Variants in PPT2 observed in about 807,000 individuals in gnomAD.
The protein encoded by PPT2 is palmitoyl-protein thioesterase 2.
In PPT2, 20 loss-of-function variants were observed where a neutral mutation model predicts 37.3. The observed-to-expected ratio is 0.54, with a 90% CI of 0.38 to 0.78. PPT2 has a LOEUF of 0.78. Ranked by LOEUF, PPT2 falls within the 30% of genes least tolerant of loss-of-function variation. The pLI is 0.00. For missense variants in PPT2, 270 were observed against 389.8 expected, an observed-to-expected ratio of 0.69 and a Z score of 2.59; for synonymous variants, 135 against 159.1, an observed-to-expected ratio of 0.85 and a Z score of 1.14.
Position 32,162,843 on chromosome 6 carries a change from T to G in PPT2, c.802T>G (p.Leu268Val). ...GGATTCTTTTGGGTTGAAGACTCTA[T>G]TGGCCCGGGGGGCCATAGTGAGGTG... ...LRDSFGLKTL[L>V]ARGAIVRCPM... Residue 268 changes from leucine (L) to valine (V), a missense_variant, in exon 9 of 9, where the codon TTG becomes GTG. Coordinates refer to ENST00000324816, the MANE Select transcript of PPT2 (RefSeq NM_005155.7). This position sits in a 1 kb window ranked among gnomAD's most constrained non-coding sequence, Gnocchi z 5.5. 1 of 1,614,030 alleles carries G rather than the reference T, an allele frequency of 6.2e-7. No individual in the cohort carries two copies. Among genetic ancestry groups the G allele is most frequent in the Non-Finnish European group, 8.5e-7 (1 of 1,179,886 alleles).
In PPT2 at chr6:32,163,502, A is replaced by G. The variant is rs1261809391; in HGVS notation, c.*552A>G. 6.4e-6 allele frequency: 1 copy of G among 155,424 alleles called. No individual in the cohort carries two copies. 9.6% of individuals were successfully genotyped at this position (155,424 alleles called of 1,614,324 possible). A position where few individuals can be genotyped will look rare whatever the true frequency, so the allele number is the denominator to read the frequency against. On this transcript the variant is annotated 3_prime_UTR_variant, in exon 9 of 9. Coordinates refer to ENST00000324816, the MANE Select transcript of PPT2 (RefSeq NM_005155.7). ...CGTTCTTGAAGTGTCAGTGTTGGGG[A>G]ATATCTGTGGCCTATGAGGCCCATC...
At chr6:32,154,057 G>C (rs1783546372), upstream of PPT2, 1 of 1,113,312 alleles carries the variant, frequency 9.0e-7, no homozygotes, top group African/African-American at 1.6e-5. The surrounding 1 kb of genome is among the most constrained non-coding windows in gnomAD (Gnocchi z 7.3). Flanking sequence ...GTGTTGCGGG[G>C]AACGCTCGCG....
chr6:32,157,476 G>A, intron 5 of PPT2, 161 bp from the exon 6 acceptor site: 1 of 645,546 alleles, frequency 1.5e-6, no homozygotes, highest in Non-Finnish European at 2.8e-6. Flanking sequence ...ACCTCCCAAA[G>A]TGCTGGGATT....
Position 32,154,362 on chromosome 6 carries a change from C to T in PPT2, c.-51C>T, listed in dbSNP as rs890257143. 3 of 1,420,538 alleles carry T rather than the reference C, an allele frequency of 2.1e-6. No homozygotes were observed. The highest frequency in any genetic ancestry group is 5.1e-5 in the East Asian group (2 of 39,076). The allele number at this position is 1,420,538 out of a possible 1,614,324, so 88.0% of individuals were successfully genotyped here. Reference sequence around the variant, plus strand: ...AAGATCCTGGACCTAGAGAACAAGTCCCCCGAACGCTGAGTTGGAGGCGGG... The same window carrying T: ...AAGATCCTGGACCTAGAGAACAAGTTCCCCGAACGCTGAGTTGGAGGCGGG... On this transcript the variant is annotated 5_prime_UTR_variant, in exon 1 of 9. Coordinates refer to ENST00000324816, the MANE Select transcript of PPT2 (RefSeq NM_005155.7). This position sits in a 1 kb window ranked among gnomAD's most constrained non-coding sequence, Gnocchi z 7.3.
At position 32,155,572 on chromosome 6, in the gene PPT2, C is replaced by A; in HGVS notation, c.338-116C>A. 1.2e-6 allele frequency: 1 copy of A among 819,470 alleles called. No individual in the cohort carries two copies. Among genetic ancestry groups the A allele is most frequent in the Non-Finnish European group, 2.0e-6 (1 of 504,046 alleles). The allele number at this position is 819,470 out of a possible 1,614,324, so 50.8% of individuals were successfully genotyped here. On this transcript the variant is annotated intron_variant, in intron 3 of 8. Coordinates refer to ENST00000324816, the MANE Select transcript of PPT2 (RefSeq NM_005155.7). This position sits in a 1 kb window ranked among gnomAD's most constrained non-coding sequence, Gnocchi z 4.3. ...AGTCTCCTTTGTGTACAGTGTGTGT[C>A]TGTGTGTGTCTCTGTGTGTGTGTGT... is the stretch of plus-strand genomic sequence containing the variant.
At chr6:32,160,052 T>C (rs911021330) in intron 7 of PPT2, among the ~76,000 whole-genome samples, 10 of 150,658 alleles carry the variant, frequency 6.6e-5, no homozygotes, top group Non-Finnish European at 8.9e-5. Context: ...TAGATAGATA[T>C]ATATTTTTTG....
chr6:32,154,617 G>A lies in PPT2; in HGVS notation c.23G>A (p.Arg8Gln). 1 of 1,611,972 alleles carries A rather than the reference G, an allele frequency of 6.2e-7. No homozygotes were observed. The highest frequency in any genetic ancestry group is 8.5e-7 in the Non-Finnish European group (1 of 1,179,482). Residue 8 changes from arginine (R) to glutamine (Q), a missense_variant, in exon 2 of 9, where the codon CGG (arginine) becomes CAG (glutamine). Coordinates refer to ENST00000324816, the MANE Select transcript of PPT2 (RefSeq NM_005155.7). This position sits in a 1 kb window ranked among gnomAD's most constrained non-coding sequence, Gnocchi z 7.3. Reference sequence around the variant, plus strand: ...AGCATGCTGGGGCTCTGCGGGCAGCGGCTCCCCGCGGCGTGGGTCCTGCTT... The same window carrying A: ...AGCATGCTGGGGCTCTGCGGGCAGCAGCTCCCCGCGGCGTGGGTCCTGCTT... MLGLCGQRLPAAWVLLLL... is the reference protein window; with the variant it reads MLGLCGQQLPAAWVLLLL...
rs1473044436 is a variant in PPT2 at position 32,161,656 on chromosome 6, C to T, written c.711-912C>T. Among the ~76,000 whole-genome samples, 3 of 150,642 alleles carry T rather than the reference C, an allele frequency of 2.0e-5. 1 individual carries two copies. The highest frequency in any genetic ancestry group is 4.4e-5 in the Non-Finnish European group (3 of 67,776). ...AGGCTGGAGTGCAGTGGCGCCATCC[C>T]GGCTCACTGCAACCTTTGCGTCCCA... On this transcript the variant is annotated intron_variant, in intron 7 of 8. Transcript: ENST00000324816.
At chr6:32,153,758 AG>A, upstream of PPT2, 1 of 1,281,264 alleles carries the variant, frequency 7.8e-7, no homozygotes, top group Non-Finnish European at 1.1e-6. This position sits in a 1 kb window ranked among gnomAD's most constrained non-coding sequence, Gnocchi z 4.4. Context: ...CAAAATGCAG[AG>A]GACTACCTTT....
chr6:32,162,392 G>T lies in PPT2; in HGVS notation c.711-176G>T, dbSNP rs1391996530. On this transcript the variant is annotated intron_variant, in intron 7 of 8. Coordinates refer to ENST00000324816, the MANE Select transcript of PPT2 (RefSeq NM_005155.7). The surrounding 1 kb of genome is among the most constrained non-coding windows in gnomAD (Gnocchi z 5.5). Reference sequence around the variant, plus strand: ...CTGCCACCATGCCCAGCTAATTTTTGTATTTTTAGTAGAGATGGGGTTTCA... The same window carrying T: ...CTGCCACCATGCCCAGCTAATTTTTTTATTTTTAGTAGAGATGGGGTTTCA... Among the ~76,000 whole-genome samples, 3 of 151,828 alleles carry T rather than the reference G, an allele frequency of 2.0e-5. No homozygotes were observed. The highest frequency in any genetic ancestry group is 2.0e-4 in the Admixed American group (3 of 15,236).
At position 32,163,623 on chromosome 6, in the gene PPT2, C is replaced by T. The variant is rs1299182691; in HGVS notation, c.*673C>T. On this transcript the variant is annotated 3_prime_UTR_variant, in exon 9 of 9. Coordinates refer to ENST00000324816, the MANE Select transcript of PPT2 (RefSeq NM_005155.7). ...GAGGCCCCAGGCCCTCTTTTAACTA[C>T]CTTTGAATAGGTGTTATCCCTGTAT... 6.5e-6 allele frequency: 1 copy of T among 152,782 alleles called. No individual in the cohort carries two copies. Among genetic ancestry groups the T allele is most frequent in the Non-Finnish European group, 1.5e-5 (1 of 68,140 alleles). 9.5% of individuals were successfully genotyped at this position (152,782 alleles called of 1,614,324 possible). A position where few individuals can be genotyped will look rare whatever the true frequency, so the allele number is the denominator to read the frequency against.
In PPT2 at chr6:32,154,879, C is replaced by T; in HGVS notation, c.183+102C>T. 5.2e-6 allele frequency: 8 copies of T among 1,525,012 alleles called. No individual in the cohort carries two copies. In the South Asian group the frequency reaches 7.3e-5, roughly 14 times the overall value. 94.5% of individuals were successfully genotyped at this position (1,525,012 alleles called of 1,614,324 possible). A position where few individuals can be genotyped will look rare whatever the true frequency, so the allele number is the denominator to read the frequency against. ...GCCACCCCTCTGGGCCTGCCCAGTT[C>T]CTCAGGGAGCTGGTGCTGGCGTGGG... On this transcript the variant is annotated intron_variant, in intron 2 of 8. Coordinates refer to ENST00000324816, the MANE Select transcript of PPT2 (RefSeq NM_005155.7). The surrounding 1 kb of genome is among the most constrained non-coding windows in gnomAD (Gnocchi z 7.3).
At position 32,155,687 on chromosome 6, in the gene PPT2, G is replaced by A; in HGVS notation, c.338-1G>A. The A allele has an allele frequency of 6.2e-7, 1 of 1,613,682 alleles. No individual in the cohort carries two copies. The highest frequency in any genetic ancestry group is 8.5e-7 in the Non-Finnish European group (1 of 1,179,850). On this transcript the variant is annotated splice_acceptor_variant, in intron 3 of 8. Coordinates refer to ENST00000324816, the MANE Select transcript of PPT2 (RefSeq NM_005155.7). LOFTEE classifies it high-confidence loss of function. The surrounding 1 kb of genome is among the most constrained non-coding windows in gnomAD (Gnocchi z 4.3). ...TGCCCAATGTGGTGTTCTGCTTACA[G>A]GGGGCCTTGTGTGCCGGGCTCTGCT...
rs944805807 is a variant in PPT2 at position 32,155,059 on chromosome 6, C to T, written c.213C>T (p.Leu71=). 13 of 1,613,008 alleles carry T rather than the reference C, an allele frequency of 8.1e-6. No individual in the cohort carries two copies. The highest frequency in any genetic ancestry group is 1.3e-5 in the African/African-American group (1 of 74,906). The change falls in exon 3 of 9, where the codon CTC becomes CTT. Residue 71 remains leucine, a synonymous_variant. Transcript: ENST00000324816. The surrounding 1 kb of genome is among the most constrained non-coding windows in gnomAD (Gnocchi z 4.3). ...ACCCCGGGACTGTGGTGACAGTGCT[C>T]GATCTCTTCGATGGGAGAGAGAGCT... The part of the protein sequence containing the change: ...ETHPGTVVTV[L]DLFDGRESLR...
chr6:32,153,777 C>T, upstream of PPT2: 1 of 1,181,754 alleles, frequency 8.5e-7, no homozygotes, highest in Non-Finnish European at 1.2e-6. This position sits in a 1 kb window ranked among gnomAD's most constrained non-coding sequence, Gnocchi z 4.4. Context: ...TTTCCCTGGT[C>T]CGCCCCCTGG....
At position 32,154,716 on chromosome 6, in the gene PPT2, T is replaced by C; in HGVS notation, c.122T>C (p.Val41Ala). Residue 41 changes from valine to alanine, a missense_variant, in exon 2 of 9, where the codon GTG becomes GCG. By Grantham distance (64) the Val-to-Ala change is moderately conservative. Coordinates refer to ENST00000324816, the MANE Select transcript of PPT2 (RefSeq NM_005155.7). The surrounding 1 kb of genome is among the most constrained non-coding windows in gnomAD (Gnocchi z 7.3). Reference sequence around the variant, plus strand: ...CGCGCGTCCTACAAGCCGGTCATCGTGGTGCATGGGCTCTTCGACAGCTCG... The same window carrying C: ...CGCGCGTCCTACAAGCCGGTCATCGCGGTGCATGGGCTCTTCGACAGCTCG... ...PHRASYKPVIVVHGLFDSSYS... is the reference protein window; with the variant it reads ...PHRASYKPVIAVHGLFDSSYS... The C allele has an allele frequency of 6.2e-7, 1 of 1,613,196 alleles. No homozygotes were observed. Among genetic ancestry groups the C allele is most frequent in the South Asian group, 1.1e-5 (1 of 91,084 alleles).
chr6:32,162,465 C>T lies in PPT2; in HGVS notation c.711-103C>T, dbSNP rs1390474112. ...GAACTCCTGGCCTCAGGTGATTTGC[C>T]CTCCTTGGCCTCCCAAAGTGCTGCA... On this transcript the variant is annotated intron_variant, in intron 7 of 8. Coordinates refer to ENST00000324816, the MANE Select transcript of PPT2 (RefSeq NM_005155.7). This position sits in a 1 kb window ranked among gnomAD's most constrained non-coding sequence, Gnocchi z 5.5. The T allele has an allele frequency of 3.0e-5, 36 of 1,184,056 alleles. 1 individual carries two copies. Among genetic ancestry groups the T allele is most frequent in the Non-Finnish European group, 2.5e-6 (2 of 797,836 alleles). The allele number at this position is 1,184,056 out of a possible 1,614,324, so 73.3% of individuals were successfully genotyped here.
Position 32,156,075 on chromosome 6 carries a change from C to G in PPT2, c.541+97C>G. ...CAGTGATGACAATAAAGATAACTTA[C>G]ATTTATTGAGTTATTTGAACAGGCT... On this transcript the variant is annotated intron_variant, in intron 5 of 8. Transcript: ENST00000324816. This position sits in a 1 kb window ranked among gnomAD's most constrained non-coding sequence, Gnocchi z 4.9. 1.0e-6 allele frequency: 1 copy of G among 976,810 alleles called. No homozygotes were observed. The highest frequency in any genetic ancestry group is 1.6e-6 in the Non-Finnish European group (1 of 628,068). 60.5% of individuals were successfully genotyped at this position (976,810 alleles called of 1,614,324 possible). A position where few individuals can be genotyped will look rare whatever the true frequency, so the allele number is the denominator to read the frequency against.
intron 7 of PPT2, among the ~76,000 whole-genome samples, chr6:32,159,576 G>A (rs1434801734): frequency 6.6e-6 from 1 of 150,544 alleles, no homozygotes; most frequent in Non-Finnish European, 1.5e-5. Flanking sequence ...AGTGAAGGCA[G>A]GACATCTCTT....
Sources: gnomAD v4.1 joint callset for allele counts (sites outside exome capture counted in the v4.1 genomes callset) on GRCh38, gnomAD v4.1.1 for gene constraint, Gnocchi (gnomAD v3.1) non-coding constraint, MANE v1.5 for transcripts, NCBI Gene and HGNC (gene_info 2026-07-23, HGNC 2026-07-21) for gene names.